Variants in NELL1 observed in about 807,000 individuals in gnomAD.
NELL1 encodes the protein neural EGFL like 1, also known as protein kinase C-binding protein NELL1.
Under a neutral mutation model 107.4 loss-of-function variants are expected in NELL1, and 76 were observed. That is an observed-to-expected ratio of 0.71 (90% confidence interval 0.59 to 0.86). The LOEUF (loss-of-function observed/expected upper bound fraction) is 0.86, where lower values mean the gene tolerates loss of function less well. NELL1 is among the 40% of genes least tolerant of loss of function. NELL1 has a pLI of 0.00. For synonymous variants in NELL1, 353 were observed against 341.2 expected, an observed-to-expected ratio of 1.03 and a Z score of -0.38; for missense variants, 1,024 against 1,005.5, an observed-to-expected ratio of 1.02 and a Z score of -0.25.
intron 12 of NELL1, among the ~76,000 whole-genome samples, chr11:21,054,803 A>G (rs575985932): frequency 6.6e-6 from 1 of 151,762 alleles, no homozygotes; most frequent in East Asian, 1.9e-4. Context: ...TTTTATTTTT[A>G]TGGCTTAAAA....
chr11:21,390,770 T>A (rs1426027015), intron 15 of NELL1, among the ~76,000 whole-genome samples: 2 of 151,872 alleles, frequency 1.3e-5, no homozygotes, highest in African/African-American at 2.4e-5. Flanking sequence ...AACCTCAGAT[T>A]CTCTGCTAAT....
At chr11:21,208,698 AAGAGACTGAATCATCT>A (rs1478419818) in intron 13 of NELL1, among the ~76,000 whole-genome samples, 1 of 152,028 alleles carries the variant, frequency 6.6e-6, no homozygotes, top group Non-Finnish European at 1.5e-5. Flanking sequence ...CACACTTTCC[AAGAGACTGAATCATCT>A]AGAGGGAGTT....
chr11:21,243,889 G>A (rs1401531940), intron 14 of NELL1, among the ~76,000 whole-genome samples: 1 of 151,960 alleles, frequency 6.6e-6, no homozygotes, highest in African/African-American at 2.4e-5. Flanking sequence ...GCACACAAAG[G>A]GGTGATCTCT....
chr11:21,446,247 G>A (rs2133852185), intron 15 of NELL1, among the ~76,000 whole-genome samples: 1 of 152,108 alleles, frequency 6.6e-6, no homozygotes, highest in East Asian at 1.9e-4. Flanking sequence ...CTTTCTCTGT[G>A]TTATCCTGAA....
chr11:20,858,256 A>AC (rs1031882847), intron 4 of NELL1, among the ~76,000 whole-genome samples: 1 of 151,958 alleles, frequency 6.6e-6, no homozygotes, highest in African/African-American at 2.4e-5. Flanking sequence ...AAGGAAGTGC[A>AC]CCCCCCTATT....
chr11:21,121,838 T>C lies in NELL1; in HGVS notation c.1426+8124T>C, dbSNP rs1181035698. ...AGAGGGATTATAGTATAAAAATTCA[T>C]CGAAAGTTTGTTTTTCCAGACCAAT... is the stretch of plus-strand genomic sequence containing the variant. On this transcript the variant is annotated intron_variant, in intron 13 of 19. Coordinates refer to ENST00000357134, the MANE Select transcript of NELL1 (RefSeq NM_006157.5). Among the ~76,000 whole-genome samples, 7 of 152,142 alleles carry C rather than the reference T, an allele frequency of 4.6e-5. 1 individual carries two copies. Among genetic ancestry groups the C allele is most frequent in the Admixed American group, 4.6e-4 (7 of 15,264 alleles).
At chr11:21,084,334 A>G (rs1854338823) in intron 12 of NELL1, among the ~76,000 whole-genome samples, 1 of 152,330 alleles carries the variant, frequency 6.6e-6, no homozygotes. Context: ...CCAATATGCC[A>G]TTCAACCAGC....
chr11:20,819,401 G>A (rs1857698301), intron 3 of NELL1, among the ~76,000 whole-genome samples: 1 of 152,166 alleles, frequency 6.6e-6, no homozygotes, highest in African/African-American at 2.4e-5. Context: ...TCTGAGGTCA[G>A]TAATAAAACA....
At chr11:20,914,331 G>C (rs976296600) in intron 5 of NELL1, among the ~76,000 whole-genome samples, 1 of 152,030 alleles carries the variant, frequency 6.6e-6, no homozygotes, top group African/African-American at 2.4e-5. Context: ...GATTTACATT[G>C]GTTTGATCTG....
chr11:21,349,716 G>C (rs1590859908), intron 14 of NELL1, among the ~76,000 whole-genome samples: 1 of 151,874 alleles, frequency 6.6e-6, no homozygotes, highest in Non-Finnish European at 1.5e-5. Context: ...TATCTTTGCT[G>C]CTTGTGCAAA....
chr11:20,841,069 C>T (rs1038500275), intron 3 of NELL1, among the ~76,000 whole-genome samples: 3 of 152,158 alleles, frequency 2.0e-5, no homozygotes, highest in Admixed American at 2.0e-4. Context: ...GACTAGTAAT[C>T]TCTAAATTTC....
chr11:21,245,639 G>A (rs183224087), intron 14 of NELL1, among the ~76,000 whole-genome samples: 3 of 152,208 alleles, frequency 2.0e-5, no homozygotes, highest in South Asian at 2.1e-4. Context: ...CCTCACTGGC[G>A]TAGGCAGGCG....
chr11:20,933,504 C>T (rs1850659901), intron 9 of NELL1, among the ~76,000 whole-genome samples: 1 of 152,134 alleles, frequency 6.6e-6, no homozygotes, highest in Non-Finnish European at 1.5e-5. Context: ...GTGTCTTGCT[C>T]ATAGAGGTGG....
intron 12 of NELL1, among the ~76,000 whole-genome samples, chr11:21,042,114 C>A (rs1388973579): frequency 6.6e-6 from 1 of 152,108 alleles, no homozygotes; most frequent in Admixed American, 6.5e-5. Context: ...TACGTTTTTT[C>A]TCATTTGCTA....
intron 12 of NELL1, among the ~76,000 whole-genome samples, chr11:21,076,764 G>C (rs1474069995): frequency 7.2e-5 from 11 of 152,120 alleles, no homozygotes; most frequent in Non-Finnish European, 1.5e-4. Flanking sequence ...GTGAATTCTT[G>C]CTTTATTAGT....
intron 15 of NELL1, among the ~76,000 whole-genome samples, chr11:21,375,257 A>T (rs560063430): frequency 6.6e-6 from 1 of 151,996 alleles, no homozygotes; most frequent in African/African-American, 2.4e-5. Flanking sequence ...CTTTATGTCC[A>T]TATTTACCTA....
intron 4 of NELL1, among the ~76,000 whole-genome samples, chr11:20,872,682 G>GTGTC (rs2134089776): frequency 6.8e-6 from 1 of 147,926 alleles, no homozygotes; most frequent in Non-Finnish European, 1.5e-5. Flanking sequence ...GTGTGTGTGT[G>GTGTC]TGTGTGTGTG....
At chr11:21,196,300 G>A (rs528661587) in intron 13 of NELL1, among the ~76,000 whole-genome samples, 5 of 152,208 alleles carry the variant, frequency 3.3e-5, no homozygotes, top group South Asian at 2.1e-4. Context: ...GCTTCCTACC[G>A]TACTTAGAAT....
rs184160312 is a variant in NELL1, at chr11:21,235,197, C to T, written c.1549+5743C>T. On this transcript the variant is annotated intron_variant, in intron 14 of 19. Coordinates refer to ENST00000357134, the MANE Select transcript of NELL1 (RefSeq NM_006157.5). ...AAATATTGGAAAGAATGATGAGGGGCAAGACTGTCTGATATCAGGGGATGG... is the reference window on the plus strand; with the variant it reads ...AAATATTGGAAAGAATGATGAGGGGTAAGACTGTCTGATATCAGGGGATGG... 5.1e-4 allele frequency among the ~76,000 whole-genome samples: 77 copies of T among 152,184 alleles called. 1 individual carries two copies. The highest frequency in any genetic ancestry group is 1.0e-3 in the South Asian group (5 of 4,824).
Sources: allele counts gnomAD v4.1 joint callset (sites outside exome capture counted in the v4.1 genomes callset), GRCh38; gene constraint gnomAD v4.1.1; transcripts MANE v1.5; gene names NCBI Gene and HGNC (gene_info 2026-07-23, HGNC 2026-07-21).